Variants in SLC25A21 observed in about 807,000 individuals in gnomAD.
SLC25A21 encodes mitochondrial 2-oxodicarboxylate carrier.
SLC25A21 carries 47 observed loss-of-function variants against 43.8 expected under a neutral mutation model. That is an observed-to-expected ratio of 1.07 (90% CI 0.85 to 1.37). SLC25A21 has a LOEUF of 1.37. Among genes scored for constraint, SLC25A21 ranks in the 40% most tolerant of loss-of-function variants. The pLI is 0.00. For missense variants in SLC25A21, 352 were observed against 350.2 expected (o/e 1.00, Z -0.04); for synonymous variants, 131 against 121.3 (o/e 1.08, Z -0.52).
chr14:37,110,485 G>A (rs1034116822), intron 1 of SLC25A21, among the ~76,000 whole-genome samples: 2 of 152,126 alleles, frequency 1.3e-5, no homozygotes, highest in African/African-American at 4.8e-5. Flanking sequence ...TGATTTCTCA[G>A]AAGCAAAAAT....
At chr14:36,847,211 A>G (rs1459311494) in intron 2 of SLC25A21, among the ~76,000 whole-genome samples, 1 of 152,242 alleles carries the variant, frequency 6.6e-6, no homozygotes, top group African/African-American at 2.4e-5. Context: ...TCTATATACC[A>G]TAACATCAGA....
At chr14:36,893,119 G>A (rs1233478877) in intron 1 of SLC25A21, among the ~76,000 whole-genome samples, 7 of 152,142 alleles carry the variant, frequency 4.6e-5, no homozygotes, top group East Asian at 1.9e-4. Context: ...CTGAGGAATC[G>A]CCACACTGAC....
chr14:37,056,835 A>C (rs1267131820), intron 1 of SLC25A21, among the ~76,000 whole-genome samples: 1 of 152,122 alleles, frequency 6.6e-6, no homozygotes, highest in African/African-American at 2.4e-5. Flanking sequence ...TCCCATACAG[A>C]CTTCCAAAAA....
In SLC25A21 at chr14:36,691,404, A is replaced by C. The variant is rs988079481; in HGVS notation, c.604-6479T>G. Among the ~76,000 whole-genome samples the C allele has an allele frequency of 2.6e-5, 4 of 152,188 alleles. No individual in the cohort carries two copies. In the East Asian group the frequency reaches 7.7e-4, roughly 29 times the overall value. On this transcript the variant is annotated intron_variant, in intron 7 of 9. Transcript: ENST00000331299. ...TAAATGAATATTAATATTGATGAAA[A>C]ATCTATTATGTTATTAAAAATTTCC...
chr14:36,756,512 C>T (rs1390699059), intron 3 of SLC25A21, among the ~76,000 whole-genome samples: 1 of 152,184 alleles, frequency 6.6e-6, no homozygotes, highest in Non-Finnish European at 1.5e-5. Context: ...GGGTCTCACT[C>T]CAGCTGTGCT....
intron 1 of SLC25A21, among the ~76,000 whole-genome samples, chr14:37,161,452 A>G (rs1410137012): frequency 6.6e-6 from 1 of 152,236 alleles, no homozygotes; most frequent in Non-Finnish European, 1.5e-5. Context: ...GAGAAACACA[A>G]TATGAGAAAA....
At chr14:36,698,373 A>G (rs935400006) in intron 7 of SLC25A21, among the ~76,000 whole-genome samples, 2 of 152,082 alleles carry the variant, frequency 1.3e-5, no homozygotes, top group African/African-American at 4.8e-5. Context: ...ACCTTGGTGA[A>G]TCTGACAATT....
At position 37,007,295 on chromosome 14, in the gene SLC25A21, T is replaced by C. The variant is rs774037669; in HGVS notation, c.71-132291A>G. ...ATTAGGTCTGATAGCCTGGAACTTATATTGGCATTAAAAATTAAGAACTTT... is the reference window on the plus strand; with the variant it reads ...ATTAGGTCTGATAGCCTGGAACTTACATTGGCATTAAAAATTAAGAACTTT... On this transcript the variant is annotated intron_variant, in intron 1 of 9. Transcript: ENST00000331299. Among the ~76,000 whole-genome samples the C allele has an allele frequency of 2.6e-5, 4 of 152,270 alleles. No homozygotes were observed. In the East Asian group the frequency reaches 7.7e-4, roughly 29 times the overall value.
chr14:36,970,251 C>A, intron 1 of SLC25A21, among the ~76,000 whole-genome samples: 1 of 152,064 alleles, frequency 6.6e-6, no homozygotes, highest in East Asian at 1.9e-4. Flanking sequence ...CACTTTTCAT[C>A]CCTTCTCTCC....
chr14:37,036,034 G>T lies in SLC25A21; in HGVS notation c.70+136247C>A, dbSNP rs1430637825. On this transcript the variant is annotated intron_variant, in intron 1 of 9. Coordinates refer to ENST00000331299, the MANE Select transcript of SLC25A21 (RefSeq NM_030631.4). ...CATTTCTCTTGGACAAATGAGTTAA[G>T]TTTTTAAAAGGAAAATTGAGAATTT... Among the ~76,000 whole-genome samples the T allele has an allele frequency of 2.0e-5, 3 of 152,116 alleles. No homozygotes were observed. In the East Asian group the frequency reaches 5.8e-4, roughly 29 times the overall value.
chr14:36,933,106 T>C (rs1012356574), intron 1 of SLC25A21, among the ~76,000 whole-genome samples: 1 of 152,074 alleles, frequency 6.6e-6, no homozygotes, highest in East Asian at 1.9e-4. Context: ...ATAACTAAAA[T>C]AAGGGCACAC....
chr14:36,903,783 G>A (rs1035164204), intron 1 of SLC25A21, among the ~76,000 whole-genome samples: 1 of 152,110 alleles, frequency 6.6e-6, no homozygotes, highest in Non-Finnish European at 1.5e-5. Flanking sequence ...GCTGAGTTTA[G>A]GAACATGTGC....
At chr14:37,083,105 A>C (rs1338255679) in intron 1 of SLC25A21, among the ~76,000 whole-genome samples, 1 of 152,182 alleles carries the variant, frequency 6.6e-6, no homozygotes, top group Non-Finnish European at 1.5e-5. Flanking sequence ...GAGAGGCAGG[A>C]GTTTTGTGTG....
intron 1 of SLC25A21, among the ~76,000 whole-genome samples, chr14:37,064,040 T>C (rs1998121): frequency 0.031 from 4,675 of 152,212 alleles, 264 homozygotes; most frequent in East Asian, 0.26. Flanking sequence ...CCAGGAAAGA[T>C]TGATGGATGA....
chr14:36,787,611 T>G, intron 3 of SLC25A21, among the ~76,000 whole-genome samples: 1 of 152,272 alleles, frequency 6.6e-6, no homozygotes, highest in Non-Finnish European at 1.5e-5. Context: ...TTCATTTTAT[T>G]CAAAAAAACT....
intron 3 of SLC25A21, among the ~76,000 whole-genome samples, chr14:36,736,082 C>A (rs1254084751): frequency 6.6e-6 from 1 of 151,536 alleles, no homozygotes; most frequent in Non-Finnish European, 1.5e-5. Context: ...ACTACAGGCA[C>A]CCGCCACCAC....
chr14:37,061,628 G>T (rs1961950043), intron 1 of SLC25A21, among the ~76,000 whole-genome samples: 1 of 152,154 alleles, frequency 6.6e-6, no homozygotes, highest in South Asian at 2.1e-4. Flanking sequence ...CAAGTACAAA[G>T]AGATTAGAAG....
intron 1 of SLC25A21, among the ~76,000 whole-genome samples, chr14:37,086,141 A>G (rs1000886526): frequency 6.6e-6 from 1 of 152,058 alleles, no homozygotes; most frequent in African/African-American, 2.4e-5. Context: ...TTTTATAGAA[A>G]CTACTTTGGG....
At chr14:36,769,278 T>C (rs1037343681) in intron 3 of SLC25A21, among the ~76,000 whole-genome samples, 1 of 152,238 alleles carries the variant, frequency 6.6e-6, no homozygotes, top group African/African-American at 2.4e-5. Context: ...TTTCCAACAA[T>C]GACAATTTTA....
Sources: gnomAD v4.1 joint callset for allele counts (sites outside exome capture counted in the v4.1 genomes callset) on GRCh38, gnomAD v4.1.1 for gene constraint, MANE v1.5 for transcripts, NCBI Gene and HGNC (gene_info 2026-07-23, HGNC 2026-07-21) for gene names.